The following TNFRSF21 variants were observed in gnomAD, a reference collection of about 807,000 sequenced individuals.
The protein encoded by TNFRSF21 is TNF receptor superfamily member 21.
In TNFRSF21, 19 loss-of-function variants were observed where a neutral mutation model predicts 45.6. The ratio of observed to expected loss-of-function variants is 0.42; its 90% CI spans 0.29 to 0.61. The LOEUF (loss-of-function observed/expected upper bound fraction) is 0.61. Among genes scored for constraint, TNFRSF21 ranks in the 20% least tolerant of loss-of-function variants. The pLI is 0.23. For synonymous variants in TNFRSF21, 314 were observed against 335.5 expected (o/e 0.94, Z 0.70); for missense variants, 737 against 851.5 (o/e 0.87, Z 1.67).
Position 47,232,614 on chromosome 6 carries a change from T to G in TNFRSF21, c.*151A>C. On this transcript the variant is annotated 3_prime_UTR_variant, in exon 6 of 6. Transcript: ENST00000296861. ...AGAAAGAACTCAAGCACTGGCCATATTCTCTGTTAAACACACACACACACA... is the reference window on the plus strand; with the variant it reads ...AGAAAGAACTCAAGCACTGGCCATAGTCTCTGTTAAACACACACACACACA... 2 of 587,424 alleles carry G rather than the reference T, an allele frequency of 3.4e-6. No individual in the cohort carries two copies. The highest frequency in any genetic ancestry group is 5.7e-6 in the Non-Finnish European group (2 of 352,776). The allele number at this position is 587,424 out of a possible 1,614,324, so 36.4% of individuals were successfully genotyped here.
At chr6:47,282,151 C>T (rs993897083) in intron 3 of TNFRSF21, among the ~76,000 whole-genome samples, 2 of 151,976 alleles carry the variant, frequency 1.3e-5, no homozygotes, top group African/African-American at 2.4e-5. Flanking sequence ...TTTGGGAGGC[C>T]GAGGCGGGCG....
intron 4 of TNFRSF21, among the ~76,000 whole-genome samples, chr6:47,251,234 A>C (rs751050819): frequency 6.6e-6 from 1 of 152,236 alleles, no homozygotes; most frequent in South Asian, 2.1e-4. Context: ...ACATTGATGT[A>C]TATTGTTGAA....
chr6:47,260,203 C>G (rs1765052636), intron 3 of TNFRSF21, among the ~76,000 whole-genome samples: 1 of 152,126 alleles, frequency 6.6e-6, no homozygotes, highest in African/African-American at 2.4e-5. Flanking sequence ...AAGCACCAGA[C>G]TCCCGGCTTC....
rs754595836 is a variant in TNFRSF21 at position 47,234,734 on chromosome 6, G to A, written c.1674C>T (p.Leu558=). 6.2e-7 allele frequency: 1 copy of A among 1,612,190 alleles called. No homozygotes were observed. Among genetic ancestry groups the A allele is most frequent in the Non-Finnish European group, 8.5e-7 (1 of 1,179,264 alleles). The change falls in exon 5 of 6, where the codon CTC becomes CTT. Residue 558 remains leucine, a synonymous_variant. Transcript: ENST00000296861. ...AGCCGCTGGATGTAGAGTCACAGCG[G>A]AGAAGGGGCTCCGACTCATCCACGA... The part of the protein sequence containing the change: ...GFFVDESEPL[L]RCDSTSSGSS...
intron 4 of TNFRSF21, among the ~76,000 whole-genome samples, chr6:47,243,606 T>TG (rs1764781019): frequency 6.6e-6 from 1 of 152,084 alleles, no homozygotes; most frequent in Admixed American, 6.6e-5. Context: ...TTAGTAGAGA[T>TG]GGGGTTTCAC....
intron 4 of TNFRSF21, among the ~76,000 whole-genome samples, chr6:47,236,352 C>T (rs9463309): frequency 0.059 from 8,974 of 152,234 alleles, 315 homozygotes; most frequent in African/African-American, 0.091. Context: ...AGCTGTTAAT[C>T]ACCACTCCTT....
rs757414974 is a variant in TNFRSF21, at chr6:47,232,821, C to T, written c.1912G>A (p.Glu638Lys). ...LFEIIGVKSQEASQTLLDSVY... is the reference protein window; with the variant it reads ...LFEIIGVKSQKASQTLLDSVY... ...GAGTCCAGGAGGGTCTGGCTGGCTT[C>T]CTGGCTCTTGACTCCAATAATTTCG... The change falls in exon 6 of 6, where the codon GAA becomes AAA. Residue 638 changes from glutamate to lysine, a missense_variant. Physicochemically the swap from Glu to Lys is moderately conservative, Grantham distance 56. Transcript: ENST00000296861. The T allele has an allele frequency of 4.3e-6, 7 of 1,614,052 alleles. No individual in the cohort carries two copies. The highest frequency in any genetic ancestry group is 1.3e-5 in the African/African-American group (1 of 74,910).
chr6:47,290,376 G>T (rs1032146600), intron 1 of TNFRSF21, among the ~76,000 whole-genome samples: 6 of 152,192 alleles, frequency 3.9e-5, no homozygotes, highest in South Asian at 2.1e-4. Flanking sequence ...AGCACAGGAG[G>T]TCATGAATAG....
At chr6:47,292,879 G>A (rs1762747052) in intron 1 of TNFRSF21, among the ~76,000 whole-genome samples, 1 of 151,994 alleles carries the variant, frequency 6.6e-6, no homozygotes, top group Non-Finnish European at 1.5e-5. Context: ...TTTTTGTTTT[G>A]TTTTGTCTTA....
rs908905412 is a variant in TNFRSF21, at chr6:47,271,188, G to A, written c.1243+12750C>T. Among the ~76,000 whole-genome samples the A allele has an allele frequency of 2.6e-5, 4 of 152,268 alleles. No homozygotes were observed. In the East Asian group the frequency reaches 7.7e-4, roughly 29 times the overall value. On this transcript the variant is annotated intron_variant, in intron 3 of 5. Coordinates refer to ENST00000296861, the MANE Select transcript of TNFRSF21 (RefSeq NM_014452.5). ...AGACCACAAAGATACTCCTCGAGAA[G>A]AGCAACCTCAAGACACATAATTGTC...
chr6:47,273,702 C>T (rs568468767), intron 3 of TNFRSF21, among the ~76,000 whole-genome samples: 18 of 152,186 alleles, frequency 1.2e-4, no homozygotes, highest in South Asian at 4.1e-4. Flanking sequence ...TATTCAATTA[C>T]GAAATGAGGA....
At chr6:47,242,741 A>T (rs1284210971) in intron 4 of TNFRSF21, among the ~76,000 whole-genome samples, 2 of 152,208 alleles carry the variant, frequency 1.3e-5, no homozygotes, top group Admixed American at 6.5e-5. Flanking sequence ...GCTTTCTCAA[A>T]AAGAGGAAGT....
chr6:47,281,721 G>C (rs1762570376), intron 3 of TNFRSF21, among the ~76,000 whole-genome samples: 1 of 152,072 alleles, frequency 6.6e-6, no homozygotes, highest in African/African-American at 2.4e-5. Context: ...AAATGACAAA[G>C]CAAAAGAGCA....
rs113253203 is a variant in TNFRSF21, at chr6:47,263,329, G to A, written c.1244-9808C>T. On this transcript the variant is annotated intron_variant, in intron 3 of 5. Coordinates refer to ENST00000296861, the MANE Select transcript of TNFRSF21 (RefSeq NM_014452.5). ...ACATCTGGGTCTGCCAAGCAGGCAG[G>A]AGCATATTTCTATCGTGAGTGCAGG... Among the ~76,000 whole-genome samples, 155 of 152,266 alleles carry A rather than the reference G, an allele frequency of 1.0e-3. 2 individuals carry two copies. In the Middle Eastern group the frequency reaches 0.014, roughly 13 times the overall value.
intron 3 of TNFRSF21, among the ~76,000 whole-genome samples, chr6:47,259,841 G>T (rs1026231741): frequency 1.3e-5 from 2 of 152,204 alleles, no homozygotes; most frequent in Admixed American, 1.3e-4. Context: ...GGATGGGAAG[G>T]ATCAGGTAGT....
chr6:47,304,804 GGT>G (rs372840511), intron 1 of TNFRSF21, among the ~76,000 whole-genome samples: 101 of 152,202 alleles, frequency 6.6e-4, no homozygotes, highest in African/African-American at 2.3e-3. Flanking sequence ...TTACACTAGA[GGT>G]GTGTTTGTTT....
intron 1 of TNFRSF21, among the ~76,000 whole-genome samples, chr6:47,296,080 A>G (rs751570379): frequency 3.6e-4 from 55 of 152,302 alleles, no homozygotes; most frequent in Non-Finnish European, 5.4e-4. Flanking sequence ...TATTTCTAAG[A>G]CTTCTGCATA....
chr6:47,265,885 T>G (rs181165759), intron 3 of TNFRSF21, among the ~76,000 whole-genome samples: 142 of 152,354 alleles, frequency 9.3e-4, no homozygotes, highest in Non-Finnish European at 1.4e-3. Flanking sequence ...AAAGTGCTAA[T>G]GTAACATATC....
chr6:47,309,142 G>T (rs1426660817), intron 1 of TNFRSF21, among the ~76,000 whole-genome samples: 1 of 152,136 alleles, frequency 6.6e-6, no homozygotes, highest in African/African-American at 2.4e-5. Context: ...GAAGCTGGGC[G>T]GCTACCTCTA....
Sources: allele counts gnomAD v4.1 joint callset (sites outside exome capture counted in the v4.1 genomes callset), GRCh38; gene constraint gnomAD v4.1.1; transcripts MANE v1.5; gene names NCBI Gene and HGNC (gene_info 2026-07-23, HGNC 2026-07-21).